The following ESPN variants were observed in gnomAD, a reference collection of about 807,000 sequenced individuals.
ESPN encodes autosomal recessive deafness type 36 protein.
A neutral mutation model predicts 77.7 loss-of-function variants in ESPN; 68 were observed. The ratio of observed to expected loss-of-function variants is 0.87; its 90% CI spans 0.72 to 1.07. The LOEUF is 1.07. Among genes scored for constraint, ESPN ranks in the 50% least tolerant of loss-of-function variants. The pLI is 0.00. For missense variants in ESPN, 1,060 were observed against 1,239.0 expected, an observed-to-expected ratio of 0.86 and a Z score of 2.17; for synonymous variants, 449 against 567.1, an observed-to-expected ratio of 0.79 and a Z score of 2.96.
At position 6,437,138 on chromosome 1, in the gene ESPN, G is replaced by A. The variant is rs778313353; in HGVS notation, c.489-3116G>A. ...CCAGCACTTACTGAGGGCTCATTCC[G>A]TGCCAGGAACTTGGGCTGGGAATGC... On this transcript the variant is annotated intron_variant, in intron 2 of 12. Transcript: ENST00000645284. This position sits in a 1 kb window ranked among gnomAD's most constrained non-coding sequence, Gnocchi z 4.5. Among the ~76,000 whole-genome samples the A allele has an allele frequency of 4.6e-5, 7 of 152,220 alleles. No individual in the cohort carries two copies. Among genetic ancestry groups the A allele is most frequent in the Non-Finnish European group, 7.3e-5 (5 of 68,034 alleles).
rs753690028 is a variant in ESPN at position 6,451,566 on chromosome 1, C to G, written c.1916-37C>G. The stretch of plus-strand genomic sequence containing the variant: ...GTGAGGGGTGGCGGGGATGCAGCCC[C>G]ACCCTGGCCAGTGCCTCATCTCCTG... On this transcript the variant is annotated intron_variant, in intron 8 of 12. Transcript: ENST00000645284. The surrounding 1 kb of genome is among the most constrained non-coding windows in gnomAD (Gnocchi z 4.3). The G allele has an allele frequency of 1.9e-6, 3 of 1,604,766 alleles. No individual in the cohort carries two copies. The East Asian group carries it at 6.7e-5, about 36-fold the overall frequency.
intron 2 of ESPN, among the ~76,000 whole-genome samples, chr1:6,439,948 G>A (rs1183230526): frequency 2.0e-5 from 3 of 152,144 alleles, no homozygotes; most frequent in Non-Finnish European, 4.4e-5. Flanking sequence ...GGCAGAGGTT[G>A]CAGTGAGCCA....
rs190009620 is a variant in ESPN, at chr1:6,454,300, G to A, written c.2325+2204G>A. 1,846 of 397,550 alleles carry A rather than the reference G, an allele frequency of 4.6e-3. 28 individuals are homozygous for A. Among genetic ancestry groups the A allele is most frequent in the African/African-American group, 0.035 (1,705 of 48,680 alleles). 24.6% of individuals were successfully genotyped at this position (397,550 alleles called of 1,614,324 possible). On this transcript the variant is annotated intron_variant, in intron 10 of 12. Coordinates refer to ENST00000645284, the MANE Select transcript of ESPN (RefSeq NM_031475.3). ...GCGTCACCCCCCGCCGGCCAGACGCGGTCCCTCCCTGCAGACGCAGCCCCG... is the reference window on the plus strand; with the variant it reads ...GCGTCACCCCCCGCCGGCCAGACGCAGTCCCTCCCTGCAGACGCAGCCCCG...
rs761105315 is a variant in ESPN at position 6,460,121 on chromosome 1, A to G, written c.2540A>G (p.Lys847Arg). ...CCCTGGCAGCGACAGGTCATCCTGA[A>G]GAAGGGGGACATCGCTAAGTACTAG... ...LAPWQRQVIL[K>R]KGDIAKY Residue 847 changes from lysine (K) to arginine (R), a missense_variant, in exon 13 of 13, where the codon AAG becomes AGG. By Grantham distance (26) the Lys-to-Arg change is conservative. Transcript: ENST00000645284. The G allele has an allele frequency of 6.2e-7, 1 of 1,612,822 alleles. No individual in the cohort carries two copies. The highest frequency in any genetic ancestry group is 1.1e-5 in the South Asian group (1 of 91,044).
rs772157717 is a variant in ESPN, at chr1:6,440,732, T to A, written c.782T>A (p.Leu261Gln). 4 of 1,545,110 alleles carry A rather than the reference T, an allele frequency of 2.6e-6. No individual in the cohort carries two copies. The highest frequency in any genetic ancestry group is 3.5e-6 in the Non-Finnish European group (4 of 1,154,694). ...GHTKVLSWLL[L>Q]HGGEISADLW... ...ACCAAGGTGCTCAGCTGGCTGCTGC[T>A]GCACGGCGGGGAGATCTCGGCTGAC... The change falls in exon 4 of 13, where the codon CTG becomes CAG. Residue 261 changes from leucine (L) to glutamine (Q), a missense_variant. By Grantham distance (113) the Leu-to-Gln change is moderately radical. Around this residue, in one of 3 missense-constraint regions of ESPN, gnomAD observed 556 missense variants for 633.6 expected, o/e 0.88. Coordinates refer to ENST00000645284, the MANE Select transcript of ESPN (RefSeq NM_031475.3).
At chr1:6,433,967 C>T (rs1643342552) in intron 2 of ESPN, among the ~76,000 whole-genome samples, 1 of 152,172 alleles carries the variant, frequency 6.6e-6, no homozygotes, top group Admixed American at 6.5e-5. Flanking sequence ...AGTGCAGTGG[C>T]ACGGCTCACT....
chr1:6,455,371 G>A (rs1644035437), intron 10 of ESPN: 1 of 385,442 alleles, frequency 2.6e-6, no homozygotes, highest in Admixed American at 4.5e-5. Flanking sequence ...CTGCTGCCCC[G>A]CGTGGCGGCT....
In ESPN at chr1:6,440,983, G is replaced by C; in HGVS notation, c.908G>C (p.Arg303Pro). The change falls in exon 5 of 13, where the codon CGC becomes CCC. Residue 303 changes from arginine (R) to proline (P), a missense_variant. Physicochemically the swap from Arg to Pro is moderately radical, Grantham distance 103. Transcript: ENST00000645284. ...GGCGCGGAGCTGGACGTCCGCGACC[G>C]CGACGGGTACACGGCCGCCGACCTG... Reference protein sequence around the residue: ...VNGAELDVRDRDGYTAADLSD... With the variant: ...VNGAELDVRDPDGYTAADLSD... The C allele has an allele frequency of 6.2e-7, 1 of 1,606,894 alleles. No individual in the cohort carries two copies. Among genetic ancestry groups the C allele is most frequent in the South Asian group, 1.1e-5 (1 of 90,026 alleles).
intron 12 of ESPN, among the ~76,000 whole-genome samples, chr1:6,457,868 C>A (rs1644083561): frequency 1.3e-5 from 2 of 152,022 alleles, no homozygotes; most frequent in Admixed American, 1.3e-4. Flanking sequence ...GTTTTATACT[C>A]CTCTTGTAAA....
At chr1:6,432,893 C>T (rs1390249674) in intron 2 of ESPN, among the ~76,000 whole-genome samples, 2 of 152,142 alleles carry the variant, frequency 1.3e-5, no homozygotes, top group African/African-American at 2.4e-5. Context: ...GAGGCTGAGG[C>T]GGGTGGAACA....
intron 2 of ESPN, among the ~76,000 whole-genome samples, chr1:6,430,112 G>A (rs1366697524): frequency 3.9e-5 from 6 of 152,222 alleles, no homozygotes; most frequent in African/African-American, 1.4e-4. Flanking sequence ...GTGGATATGA[G>A]GGCTGGGAGC....
intron 5 of ESPN, chr1:6,443,290 C>T (rs879406286): frequency 6.6e-6 from 1 of 152,150 alleles, no homozygotes; most frequent in Non-Finnish European, 1.5e-5. Context: ...GCACAAAAAG[C>T]ATAGGTGACT....
chr1:6,449,457 T>C (rs1355800820), intron 8 of ESPN, among the ~76,000 whole-genome samples: 1 of 152,180 alleles, frequency 6.6e-6, no homozygotes, highest in Non-Finnish European at 1.5e-5. Context: ...CTGGTGTTTC[T>C]GATGAGCTGG....
At position 6,425,266 on chromosome 1, in the gene ESPN, C is replaced by A. The variant is rs755504213; in HGVS notation, c.294+17C>A. 24 of 1,566,452 alleles carry A rather than the reference C, an allele frequency of 1.5e-5. No individual in the cohort carries two copies. Among genetic ancestry groups the A allele is most frequent in the Non-Finnish European group, 1.9e-5 (22 of 1,164,740 alleles). On this transcript the variant is annotated intron_variant, in intron 1 of 12. Coordinates refer to ENST00000645284, the MANE Select transcript of ESPN (RefSeq NM_031475.3). Reference sequence around the variant, plus strand: ...AGAGTGCAGGTGGGTCCGCGCGGTTCGCCAGGGGCACTGAGGCTTCCTCCT... The same window carrying A: ...AGAGTGCAGGTGGGTCCGCGCGGTTAGCCAGGGGCACTGAGGCTTCCTCCT...
At chr1:6,452,291 G>A (rs1336603272) in intron 10 of ESPN, among the ~76,000 whole-genome samples, 195 bp downstream of exon 10, 5 of 150,984 alleles carry the variant, frequency 3.3e-5, no homozygotes, top group Admixed American at 6.6e-5. Flanking sequence ...TGCAACCTTC[G>A]CCTCCCAGGT....
chr1:6,426,683 G>C (rs1313023700), intron 1 of ESPN, among the ~76,000 whole-genome samples: 1 of 152,140 alleles, frequency 6.6e-6, no homozygotes, highest in African/African-American at 2.4e-5. Flanking sequence ...GGGACCCCTG[G>C]AGCTTCAGAC....
rs1643877265 is a variant in ESPN at position 6,447,837 on chromosome 1, C to G, written c.1465-804C>G. The stretch of plus-strand genomic sequence containing the variant: ...ATGAAGGTGGGGGCTCAGCTCCCAG[C>G]TTAGGGAGAGGCGCAGGGGGCGGGG... On this transcript the variant is annotated intron_variant, in intron 7 of 12. Coordinates refer to ENST00000645284, the MANE Select transcript of ESPN (RefSeq NM_031475.3). This position sits in a 1 kb window ranked among gnomAD's most constrained non-coding sequence, Gnocchi z 5.2. Among the ~76,000 whole-genome samples, 1 of 151,972 alleles carries G rather than the reference C, an allele frequency of 6.6e-6. No individual in the cohort carries two copies. Among genetic ancestry groups the G allele is most frequent in the Admixed American group, 6.5e-5 (1 of 15,276 alleles).
Position 6,440,322 on chromosome 1 carries a change from A to T in ESPN, c.557A>T (p.Glu186Val), listed in dbSNP as rs753449520. The change falls in exon 3 of 13, where the codon GAG becomes GTG. Residue 186 changes from glutamate (E) to valine (V), a missense_variant. Glu to Val is a moderately radical substitution (Grantham distance 121). Coordinates refer to ENST00000645284, the MANE Select transcript of ESPN (RefSeq NM_031475.3). ...LYLACQEGHL[E>V]VTQYLVQECG... ...CTGGCGTGCCAGGAGGGCCACCTGGAGGTGACCCAGTACCTGGTGCAGGAA... is the reference window on the plus strand; with the variant it reads ...CTGGCGTGCCAGGAGGGCCACCTGGTGGTGACCCAGTACCTGGTGCAGGAA... 20 of 1,570,134 alleles carry T rather than the reference A, an allele frequency of 1.3e-5. 1 individual carries two copies. The South Asian group carries it at 2.2e-4, about 17-fold the overall frequency.
chr1:6,448,720 G>C lies in ESPN; in HGVS notation c.1544G>C (p.Ser515Thr), dbSNP rs748462091. The change falls in exon 8 of 13, where the codon AGC becomes ACC. Residue 515 changes from serine (S) to threonine (T), a missense_variant. Ser to Thr is a moderately conservative substitution (Grantham distance 58, BLOSUM62 1). This residue lies in a region of ESPN where 130 missense variants were observed against 223.9 expected (regional missense o/e 0.58). Transcript: ENST00000645284. ...RKPRAFSKQP[S>T]TGDYYRQLGR... ...CCCCGCGCCTTCAGCAAGCAGCCCA[G>C]CACGGGGGACTACTACCGGCAGCTG... 1.2e-5 allele frequency: 18 copies of C among 1,504,342 alleles called. No homozygotes were observed. The highest frequency in any genetic ancestry group is 1.5e-5 in the Non-Finnish European group (17 of 1,135,688). The allele number at this position is 1,504,342 out of a possible 1,614,324, so 93.2% of individuals were successfully genotyped here.
Sources: allele counts gnomAD v4.1 joint callset (sites outside exome capture counted in the v4.1 genomes callset), GRCh38; gene constraint gnomAD v4.1.1; regional missense constraint gnomAD v4.1.1; non-coding constraint Gnocchi (gnomAD v3.1); transcripts MANE v1.5; gene names NCBI Gene and HGNC (gene_info 2026-07-23, HGNC 2026-07-21).